Variants in OVCH1 observed in about 807,000 individuals in gnomAD.
The protein encoded by OVCH1 is ovochymase-1.
OVCH1 carries 139 observed loss-of-function variants against 138.4 expected under a neutral mutation model. That is an observed-to-expected ratio of 1.00 (90% confidence interval 0.87 to 1.16). The LOEUF (loss-of-function observed/expected upper bound fraction) is 1.16. Ranked by LOEUF, OVCH1 falls within the 50% of genes most tolerant of loss-of-function variation. OVCH1 has a pLI of 0.00. For synonymous variants in OVCH1, 453 were observed against 467.8 expected, an observed-to-expected ratio of 0.97 and a Z score of 0.41; for missense variants, 1,367 against 1,357.9, an observed-to-expected ratio of 1.01 and a Z score of -0.11.
intron 8 of OVCH1, among the ~76,000 whole-genome samples, 38 bp downstream of exon 9, chr12:29,484,675 G>T (rs1291414024): frequency 6.6e-6 from 1 of 152,146 alleles, no homozygotes; most frequent in African/African-American, 2.4e-5. Context: ...TTTGTGGGAG[G>T]AAAAGCCCCA....
chr12:29,405,047 A>AAAAAAAAAAC, the OVCH1 span, among the ~76,000 whole-genome samples: 1 of 148,484 alleles, frequency 6.7e-6, no homozygotes, highest in African/African-American at 2.5e-5. Flanking sequence ...AAAAAAAAAA[A>AAAAAAAAAAC]AAAAAAAAAC....
chr12:29,487,726 A>C, exon 7 of OVCH1: 1 of 1,602,724 alleles, frequency 6.2e-7, no homozygotes, highest in East Asian at 2.2e-5. Context: ...AAATCCATCA[A>C]CTCAGACACT....
intron 4 of OVCH1, among the ~76,000 whole-genome samples, chr12:29,491,724 A>G (rs370874884): frequency 2.6e-5 from 4 of 152,242 alleles, no homozygotes; most frequent in African/African-American, 9.6e-5. Flanking sequence ...AACTCCAACT[A>G]TGATGCAAAA....
At chr12:29,478,691 G>T in intron 9 of OVCH1, 144 bp downstream of exon 10, 1 of 474,830 alleles carries the variant, frequency 2.1e-6, no homozygotes, top group Middle Eastern at 5.7e-4. Flanking sequence ...TAAAGTGAAA[G>T]CAAGTTTATT....
intron 17 of OVCH1, 85 bp from the exon 18 acceptor site, chr12:29,464,787 T>C: frequency 8.3e-7 from 1 of 1,200,608 alleles, no homozygotes; most frequent in South Asian, 1.4e-5. Context: ...AAAATAATCC[T>C]AAATTTCTGC....
At chr12:29,458,371 C>CA (rs1180333941) in intron 19 of OVCH1, among the ~76,000 whole-genome samples, 5,335 of 141,540 alleles carry the variant, frequency 0.038, 268 homozygotes, top group African/African-American at 0.12. Context: ...GACAAAGGTG[C>CA]AAAAAAAAAA....
In OVCH1 at chr12:29,476,749, A is replaced by ACGCGCGCGCG. The variant is rs145053170; in HGVS notation, c.1377+352_1377+353insCGCGCGCGCG. Among the ~76,000 whole-genome samples, 70 of 17,194 alleles carry ACGCGCGCGCG rather than the reference A, an allele frequency of 4.1e-3. 2 individuals carry two copies. The highest frequency in any genetic ancestry group is 6.7e-3 in the African/African-American group (64 of 9,562). 11.3% of individuals were successfully genotyped at this position (17,194 alleles called of 152,430 possible). A position where few individuals can be genotyped will look rare whatever the true frequency, so the allele number is the denominator to read the frequency against. On this transcript the variant is annotated intron_variant, in intron 12 of 27. Coordinates refer to ENST00000318184, the Ensembl canonical transcript of OVCH1. ...GCATTGCCAAGCAGCATAAGTACAC[A>ACGCGCGCGCG]CGCGCGCACACACACACACACACAC... is the stretch of plus-strand genomic sequence containing the variant.
chr12:29,494,353 A>C (rs1943353758), intron 4 of OVCH1, among the ~76,000 whole-genome samples: 1 of 152,192 alleles, frequency 6.6e-6, no homozygotes, highest in African/African-American at 2.4e-5. Context: ...GCATTTAAAA[A>C]AAAGGGGGCT....
intron 8 of OVCH1, among the ~76,000 whole-genome samples, chr12:29,485,635 G>T (rs548248171): frequency 6.6e-6 from 1 of 152,072 alleles, no homozygotes; most frequent in Non-Finnish European, 1.5e-5. Context: ...TTAGCCGGGC[G>T]TGGTGGCATG....
chr12:29,470,520 T>TATC (rs1942468636), intron 16 of OVCH1, among the ~76,000 whole-genome samples: 1 of 152,172 alleles, frequency 6.6e-6, no homozygotes, highest in Non-Finnish European at 1.5e-5. Flanking sequence ...CTTCCAGCTT[T>TATC]ATCCATGTCC....
chr12:29,437,769 G>T (rs535182533), intron 26 of OVCH1, among the ~76,000 whole-genome samples: 172 of 152,282 alleles, frequency 1.1e-3, no homozygotes, highest in African/African-American at 4.0e-3. Context: ...TCTATCAAAA[G>T]AGGCTAATGG....
chr12:29,453,467 C>T (rs1941855424), intron 21 of OVCH1, among the ~76,000 whole-genome samples: 1 of 152,090 alleles, frequency 6.6e-6, no homozygotes, highest in South Asian at 2.1e-4. Flanking sequence ...GCCACTTATC[C>T]TTATGGTCAG....
intron 22 of OVCH1, among the ~76,000 whole-genome samples, chr12:29,447,819 T>A (rs1941661784): frequency 6.6e-6 from 1 of 152,112 alleles, no homozygotes; most frequent in Non-Finnish European, 1.5e-5. Context: ...TGCTTTAGAC[T>A]GAGAGGCCCT....
chr12:29,481,334 AT>A (rs1942926179), intron 8 of OVCH1, among the ~76,000 whole-genome samples: 3 of 152,114 alleles, frequency 2.0e-5, no homozygotes, highest in South Asian at 4.1e-4. Context: ...TTTACAATGA[AT>A]TTTTTTGTCT....
chr12:29,418,893 C>T (rs544984637), intron 3 of OVCH1, among the ~76,000 whole-genome samples: 12 of 152,262 alleles, frequency 7.9e-5, no homozygotes, highest in African/African-American at 2.9e-4. Context: ...TGGTATTGCA[C>T]TATCACCAAT....
intron 3 of OVCH1, among the ~76,000 whole-genome samples, chr12:29,413,854 C>T (rs540029842): frequency 4.1e-5 from 6 of 145,242 alleles, no homozygotes; most frequent in Admixed American, 1.5e-4. Flanking sequence ...AATTATTTTC[C>T]TTCTCACCTG....
At chr12:29,475,023 T>G in intron 14 of OVCH1, 38 bp downstream of exon 14, 1 of 1,555,654 alleles carries the variant, frequency 6.4e-7, no homozygotes, top group Non-Finnish European at 8.7e-7. Flanking sequence ...ACCATTTGCA[T>G]AAACAAAAGT....
downstream of OVCH1, among the ~76,000 whole-genome samples, chr12:29,422,781 T>TA (rs1230673679): frequency 6.6e-6 from 1 of 152,136 alleles, no homozygotes; most frequent in African/African-American, 2.4e-5. Context: ...GGGTGAGGGG[T>TA]AGCTACTTGG....
chr12:29,497,657 C>T, exon 1 of OVCH1: 1 of 1,614,004 alleles, frequency 6.2e-7, no homozygotes, highest in Non-Finnish European at 8.5e-7. Context: ...CCAGCAACAG[C>T]AACAAACCAG....
Sources: gnomAD v4.1 joint callset for allele counts (sites outside exome capture counted in the v4.1 genomes callset) on GRCh38, gnomAD v4.1.1 for gene constraint, MANE v1.5 for transcripts, NCBI Gene and HGNC (gene_info 2026-07-23, HGNC 2026-07-21) for gene names.